The following FRMD4A variants were observed in gnomAD, a reference collection of about 807,000 sequenced individuals.
FRMD4A encodes the protein FERM domain containing 4A, also known as FERM domain-containing protein 4A.
FRMD4A carries 29 observed loss-of-function variants against 129.1 expected under a neutral mutation model. The ratio of observed to expected loss-of-function variants is 0.22; its 90% CI spans 0.17 to 0.31. FRMD4A has a LOEUF of 0.31. FRMD4A is among the 10% of genes least tolerant of loss of function. The pLI is 1.00. For synonymous variants in FRMD4A, 634 were observed against 571.6 expected (o/e 1.11, Z -1.56); for missense variants, 1,272 against 1,375.8 (o/e 0.92, Z 1.19).
chr10:14,140,098 G>A (rs1164960279), intron 2 of FRMD4A, among the ~76,000 whole-genome samples: 1 of 152,126 alleles, frequency 6.6e-6, no homozygotes, highest in East Asian at 1.9e-4. Flanking sequence ...ATCTCACTCT[G>A]TTACCCAGGC....
intron 2 of FRMD4A, among the ~76,000 whole-genome samples, chr10:14,280,451 T>C (rs1010351100): frequency 2.0e-5 from 3 of 152,172 alleles, no homozygotes; most frequent in Non-Finnish European, 4.4e-5. Flanking sequence ...TGTAAAATTC[T>C]TTATCTCTTA....
At chr10:13,772,686 G>A (rs948613740) in intron 6 of FRMD4A, among the ~76,000 whole-genome samples, 1 of 152,182 alleles carries the variant, frequency 6.6e-6, no homozygotes, top group Non-Finnish European at 1.5e-5. Flanking sequence ...ATGATGTAAA[G>A]TGAAATAGGC....
chr10:13,678,049 G>A (rs1034182177), intron 15 of FRMD4A, among the ~76,000 whole-genome samples: 5 of 152,176 alleles, frequency 3.3e-5, no homozygotes, highest in Non-Finnish European at 7.4e-5. Flanking sequence ...ACTCAAGGGA[G>A]GTAAAGCACA....
chr10:13,864,185 G>A (rs984080890), intron 2 of FRMD4A, among the ~76,000 whole-genome samples: 17 of 151,646 alleles, frequency 1.1e-4, no homozygotes, highest in Middle Eastern at 6.8e-3. Context: ...TAGTAGAGAC[G>A]GGGTTTCACC....
At chr10:13,935,756 C>T (rs1313317257) in intron 2 of FRMD4A, among the ~76,000 whole-genome samples, 2 of 152,118 alleles carry the variant, frequency 1.3e-5, no homozygotes, top group African/African-American at 2.4e-5. Context: ...TCCTATCAGC[C>T]CTGGCAGCTT....
chr10:13,979,830 A>G (rs2095554471), intron 2 of FRMD4A, among the ~76,000 whole-genome samples: 2 of 152,222 alleles, frequency 1.3e-5, no homozygotes, highest in Non-Finnish European at 2.9e-5. Context: ...CTGTTAAAAC[A>G]CAGGCTATGG....
chr10:14,181,991 G>A (rs976833099), intron 2 of FRMD4A, among the ~76,000 whole-genome samples: 4 of 152,132 alleles, frequency 2.6e-5, no homozygotes, highest in East Asian at 1.9e-4. Flanking sequence ...CACGGTACCC[G>A]GACTACATCT....
chr10:13,906,516 A>T (rs1490142255), intron 2 of FRMD4A, among the ~76,000 whole-genome samples: 1 of 152,222 alleles, frequency 6.6e-6, no homozygotes, highest in Non-Finnish European at 1.5e-5. Flanking sequence ...CACAGAGTAC[A>T]TGTTAAATAA....
At chr10:13,737,573 G>T (rs1301759332) in intron 12 of FRMD4A, among the ~76,000 whole-genome samples, 1 of 152,112 alleles carries the variant, frequency 6.6e-6, no homozygotes, top group African/African-American at 2.4e-5. Context: ...AAGTCTCTTT[G>T]CCTATCTGCT....
chr10:13,689,534 ATAGAT>A (rs1004902718), intron 15 of FRMD4A, among the ~76,000 whole-genome samples: 5 of 5,406 alleles, frequency 9.2e-4, no homozygotes, highest in South Asian at 0.083. Context: ...CTCTAGGAAC[ATAGAT>A]TAGAAGATTC....
chr10:14,098,153 T>C (rs1837099996), intron 2 of FRMD4A, among the ~76,000 whole-genome samples: 2 of 146,762 alleles, frequency 1.4e-5, no homozygotes, highest in Admixed American at 1.4e-4. Flanking sequence ...ATATAAAAAT[T>C]ATACATATTA....
intron 2 of FRMD4A, among the ~76,000 whole-genome samples, chr10:13,983,193 G>C (rs1391060892): frequency 6.6e-6 from 1 of 152,094 alleles, no homozygotes. Flanking sequence ...ATTTCTGACA[G>C]AGGCCAAGTG....
rs564110940 is a variant in FRMD4A at position 14,082,626 on chromosome 10, G to A, written c.46-223714C>T. ...GGCCCCAGCACTGAAGTTGAGTGACGAAAAGGCACCTGAAACTCAGGTGCA... is the reference window on the plus strand; with the variant it reads ...GGCCCCAGCACTGAAGTTGAGTGACAAAAAGGCACCTGAAACTCAGGTGCA... On this transcript the variant is annotated intron_variant, in intron 2 of 24. Transcript: ENST00000357447. Among the ~76,000 whole-genome samples the A allele has an allele frequency of 1.2e-4, 18 of 152,250 alleles. No individual in the cohort carries two copies. In the East Asian group the frequency reaches 3.1e-3, roughly 26 times the overall value.
At chr10:14,098,148 A>C (rs1023722172) in intron 2 of FRMD4A, among the ~76,000 whole-genome samples, 12 of 146,520 alleles carry the variant, frequency 8.2e-5, no homozygotes, top group Non-Finnish European at 1.5e-4. Flanking sequence ...ATTATATATA[A>C]AAATTATACA....
At chr10:13,782,737 G>A (rs1231163294) in intron 6 of FRMD4A, among the ~76,000 whole-genome samples, 185 bp downstream of exon 6, 5 of 152,144 alleles carry the variant, frequency 3.3e-5, no homozygotes, top group Non-Finnish European at 2.9e-5. Context: ...CCAGCGCGCC[G>A]GGTCAGGAAT....
At chr10:14,274,142 G>T (rs549823531) in intron 2 of FRMD4A, among the ~76,000 whole-genome samples, 6 of 152,356 alleles carry the variant, frequency 3.9e-5, no homozygotes, top group African/African-American at 1.4e-4. Flanking sequence ...CCTGGAGGAA[G>T]GGCTGGGTCC....
At chr10:14,243,463 C>A (rs2132008597) in intron 2 of FRMD4A, among the ~76,000 whole-genome samples, 1 of 152,248 alleles carries the variant, frequency 6.6e-6, no homozygotes. Context: ...AACTGTGAGT[C>A]AATCAAACCT....
intron 5 of FRMD4A, among the ~76,000 whole-genome samples, chr10:13,790,112 G>A (rs1442711659): frequency 6.6e-6 from 1 of 152,036 alleles, no homozygotes; most frequent in Non-Finnish European, 1.5e-5. Context: ...TAAGATGCAG[G>A]AATAACAGCG....
chr10:13,846,658 G>A (rs1187637780), intron 3 of FRMD4A, among the ~76,000 whole-genome samples: 1 of 152,240 alleles, frequency 6.6e-6, no homozygotes, highest in African/African-American at 2.4e-5. Flanking sequence ...TAATGGCATA[G>A]GGCCTGCCCA....
Sources: allele counts gnomAD v4.1 joint callset (sites outside exome capture counted in the v4.1 genomes callset), GRCh38; gene constraint gnomAD v4.1.1; transcripts MANE v1.5; gene names NCBI Gene and HGNC (gene_info 2026-07-23, HGNC 2026-07-21).